The following ABCA13 variants were observed in gnomAD, a reference collection of about 807,000 sequenced individuals.
ABCA13 encodes ATP binding cassette subfamily A member 13.
ABCA13 carries 476 observed loss-of-function variants against 478.7 expected under a neutral mutation model. That is an observed-to-expected ratio of 0.99 (90% confidence interval 0.92 to 1.07). The LOEUF (loss-of-function observed/expected upper bound fraction) is 1.07, where lower values mean the gene tolerates loss of function less well. ABCA13 is among the 50% of genes least tolerant of loss of function. ABCA13 has a pLI of 0.00. For synonymous variants in ABCA13, 2,252 were observed against 2,158.9 expected (o/e 1.04, Z -1.20); for missense variants, 6,060 against 5,910.6 (o/e 1.03, Z -0.83).
intron 15 of ABCA13, among the ~76,000 whole-genome samples, chr7:48,266,195 T>TG (rs1319254485): frequency 6.6e-6 from 1 of 151,766 alleles, no homozygotes; most frequent in Non-Finnish European, 1.5e-5. Context: ...TTTAACATTT[T>TG]GCATCAGTTT....
At chr7:48,362,854 A>G (rs1018661762) in intron 31 of ABCA13, among the ~76,000 whole-genome samples, 1 of 152,084 alleles carries the variant, frequency 6.6e-6, no homozygotes, top group Admixed American at 6.6e-5. Flanking sequence ...TGTTAAAGAC[A>G]CTTATACTAA....
intron 27 of ABCA13, among the ~76,000 whole-genome samples, chr7:48,322,134 A>G (rs1007885185): frequency 6.6e-6 from 1 of 152,170 alleles, no homozygotes; most frequent in Non-Finnish European, 1.5e-5. Context: ...GAGGTGTCAG[A>G]TATTTGGCTT....
chr7:48,243,871 A>C, intron 10 of ABCA13, among the ~76,000 whole-genome samples: 1 of 152,180 alleles, frequency 6.6e-6, no homozygotes, highest in African/African-American at 2.4e-5. Flanking sequence ...ACAGGTGAGG[A>C]TTCCATGCAG....
intron 31 of ABCA13, among the ~76,000 whole-genome samples, chr7:48,366,606 C>T (rs1563129894): frequency 2.0e-5 from 3 of 151,950 alleles, no homozygotes; most frequent in Non-Finnish European, 2.9e-5. Context: ...CAACTCATGG[C>T]GGAAAGTGTA....
In ABCA13 at chr7:48,272,861, C is replaced by G. The variant is rs764215594; in HGVS notation, c.3195C>G (p.Leu1065=). ...LEVIHTTLTG[L]KQLLIIDEDF... ...TGATCCACACTACTTTGACAGGCCTCAAACAGCTGCTCATAATTGATGAAG... is the reference window on the plus strand; with the variant it reads ...TGATCCACACTACTTTGACAGGCCTGAAACAGCTGCTCATAATTGATGAAG... The change falls in exon 17 of 62, where the codon CTC becomes CTG. Residue 1065 remains leucine, a synonymous_variant. Transcript: ENST00000435803. 4 of 1,607,218 alleles carry G rather than the reference C, an allele frequency of 2.5e-6. No homozygotes were observed. The Admixed American group carries it at 6.8e-5, about 27-fold the overall frequency.
At chr7:48,225,284 A>G (rs1584297303) in intron 5 of ABCA13, among the ~76,000 whole-genome samples, 1 of 131,292 alleles carries the variant, frequency 7.6e-6, no homozygotes, top group South Asian at 2.3e-4. Context: ...CTCCCTGTTC[A>G]GCACAGATGG....
At chr7:48,334,601 C>T (rs1013842844) in intron 27 of ABCA13, among the ~76,000 whole-genome samples, 20 of 152,318 alleles carry the variant, frequency 1.3e-4, no homozygotes, top group Admixed American at 1.2e-3. Flanking sequence ...TCCCAGAGTG[C>T]TGGGATTACA....
At chr7:48,243,413 A>T (rs772016737) in intron 10 of ABCA13, among the ~76,000 whole-genome samples, 1 of 152,242 alleles carries the variant, frequency 6.6e-6, no homozygotes, top group Non-Finnish European at 1.5e-5. Context: ...CATTCTGCAG[A>T]TGGCCAATTC....
chr7:48,521,820 G>A (rs940359364), intron 53 of ABCA13, among the ~76,000 whole-genome samples: 1 of 152,144 alleles, frequency 6.6e-6, no homozygotes. Flanking sequence ...AGGTTACAGA[G>A]CATAGAAATT....
chr7:48,362,409 CT>C (rs35795708), intron 31 of ABCA13, among the ~76,000 whole-genome samples: 30,671 of 86,374 alleles, frequency 0.36, 2,601 homozygotes, highest in East Asian at 0.47. Flanking sequence ...TCCTCTTCTT[CT>C]TTTTTTTTTT....
chr7:48,267,477 C>T (rs1484349685), intron 15 of ABCA13, among the ~76,000 whole-genome samples: 1 of 151,982 alleles, frequency 6.6e-6, no homozygotes, highest in Non-Finnish European at 1.5e-5. Context: ...AGTGGTATGC[C>T]TTTTCCATCC....
At chr7:48,351,883 C>G (rs1457004374) in intron 30 of ABCA13, among the ~76,000 whole-genome samples, 8 of 152,024 alleles carry the variant, frequency 5.3e-5, no homozygotes, top group African/African-American at 1.9e-4. Flanking sequence ...AGAAAAAAAC[C>G]CTGCAAAAAA....
chr7:48,598,076 A>G (rs1161538752), intron 58 of ABCA13, among the ~76,000 whole-genome samples: 2 of 152,044 alleles, frequency 1.3e-5, no homozygotes, highest in Non-Finnish European at 2.9e-5. Flanking sequence ...CTGCCCTAAA[A>G]ATTTTCTGTG....
At chr7:48,362,686 T>C (rs984915464) in intron 31 of ABCA13, among the ~76,000 whole-genome samples, 16 of 151,924 alleles carry the variant, frequency 1.1e-4, no homozygotes, top group African/African-American at 3.9e-4. Context: ...GTGGTTACCT[T>C]ATAATTATAA....
At chr7:48,562,169 T>A (rs1157946177) in intron 55 of ABCA13, among the ~76,000 whole-genome samples, 2 of 152,054 alleles carry the variant, frequency 1.3e-5, no homozygotes, top group Non-Finnish European at 2.9e-5. Flanking sequence ...TCTTTATGAT[T>A]TGAATCCTTA....
Position 48,275,986 on chromosome 7 carries a change from T to C in ABCA13, c.6320T>C (p.Ile2107Thr), listed in dbSNP as rs1796251855. 1 of 1,613,430 alleles carries C rather than the reference T, an allele frequency of 6.2e-7. No individual in the cohort carries two copies. The highest frequency in any genetic ancestry group is 2.2e-5 in the East Asian group (1 of 44,830). The change falls in exon 17 of 62, where the codon ATC (isoleucine) becomes ACC (threonine). Residue 2107 changes from isoleucine (I) to threonine (T), a missense_variant. Transcript: ENST00000435803. ...ITLQFAHFLE[I>T]LDSPSLKTLE... ...TTGCAGTTTGCCCATTTCCTGGAAA[T>C]CCTGGATTCACCGTCATTGAAGACA...
intron 23 of ABCA13, among the ~76,000 whole-genome samples, chr7:48,308,889 A>G (rs1801316477): frequency 6.7e-6 from 1 of 149,750 alleles, no homozygotes; most frequent in African/African-American, 2.5e-5. Context: ...TCTAGGAGCA[A>G]TAGACCATAC....
At chr7:48,374,123 C>T (rs182618020) in intron 33 of ABCA13, among the ~76,000 whole-genome samples, 1 of 152,266 alleles carries the variant, frequency 6.6e-6, no homozygotes, top group East Asian at 1.9e-4. Context: ...GAAATAATTC[C>T]TTTTAACGTT....
intron 47 of ABCA13, among the ~76,000 whole-genome samples, chr7:48,488,772 T>C (rs951739923): frequency 6.6e-6 from 1 of 152,228 alleles, no homozygotes; most frequent in Non-Finnish European, 1.5e-5. Context: ...ACAGGCATGC[T>C]ACTTTATTCT....
Sources: gnomAD v4.1 joint callset for allele counts (sites outside exome capture counted in the v4.1 genomes callset) on GRCh38, gnomAD v4.1.1 for gene constraint, MANE v1.5 for transcripts, NCBI Gene and HGNC (gene_info 2026-07-23, HGNC 2026-07-21) for gene names.